Variants in B3GALT9 observed in about 807,000 individuals in gnomAD.
B3GALT9 encodes beta-1,3-galactosyltransferase 9.
At chr9:120,795,114 A>C (rs1296241368) in intron 1 of B3GALT9, among the ~76,000 whole-genome samples, 1 of 152,236 alleles carries the variant, frequency 6.6e-6, no homozygotes, top group Non-Finnish European at 1.5e-5. Flanking sequence ...CAAGAGAGCA[A>C]ATTTGATTTG....
chr9:120,798,176 G>T (rs1053247235), intron 2 of B3GALT9, among the ~76,000 whole-genome samples: 1 of 152,230 alleles, frequency 6.6e-6, no homozygotes, highest in Admixed American at 6.5e-5. Context: ...AGAACATCAT[G>T]TATTTTCCTA....
In B3GALT9 at chr9:120,801,723, G is replaced by C. The variant is rs1466810947; in HGVS notation, c.*2045G>C. ...CCACTGCACTCCAGCCTGGGCAACA[G>C]TCTGAGACTCTATCTCAAAAAACAA... On this transcript the variant is annotated 3_prime_UTR_variant, in exon 3 of 3. Coordinates refer to ENST00000689072, the MANE Select transcript of B3GALT9 (RefSeq NM_001386823.1). 6.6e-6 allele frequency among the ~76,000 whole-genome samples: 1 copy of C among 152,204 alleles called. No individual in the cohort carries two copies. The highest frequency in any genetic ancestry group is 1.5e-5 in the Non-Finnish European group (1 of 68,042).
intron 1 of B3GALT9, among the ~76,000 whole-genome samples, chr9:120,796,031 A>G (rs1166106880): frequency 2.6e-5 from 4 of 152,284 alleles, no homozygotes; most frequent in East Asian, 3.9e-4. Context: ...ATCCTTCCCA[A>G]TGAGCCATAC....
rs2044968932 is a variant in B3GALT9 at position 120,801,484 on chromosome 9, A to G, written c.*1806A>G. Among the ~76,000 whole-genome samples the G allele has an allele frequency of 6.6e-6, 1 of 152,202 alleles. No individual in the cohort carries two copies. The highest frequency in any genetic ancestry group is 1.5e-5 in the Non-Finnish European group (1 of 68,036). On this transcript the variant is annotated 3_prime_UTR_variant, in exon 3 of 3. Coordinates refer to ENST00000689072, the MANE Select transcript of B3GALT9 (RefSeq NM_001386823.1). ...GCAGGGCACAGTGGCTCATGGCTGT[A>G]ATCCCAGCACTTTGGGAGGCCAAGG...
intron 1 of B3GALT9, 100 bp from the exon 2 acceptor site, chr9:120,796,323 G>A (rs914247665): frequency 2.0e-5 from 3 of 152,278 alleles, no homozygotes; most frequent in Non-Finnish European, 4.4e-5. Flanking sequence ...GTTTCATGAA[G>A]TACACAGGGT....
In B3GALT9 at chr9:120,799,425, T is replaced by G; in HGVS notation, c.857T>G (p.Ile286Ser). The change falls in exon 3 of 3, where the codon ATC becomes AGC. Residue 286 changes from isoleucine to serine, a missense_variant. Coordinates refer to ENST00000689072, the MANE Select transcript of B3GALT9 (RefSeq NM_001386823.1). ...ICAKFIGLIP[I>S]HSSRFSGKRH... ...GCTAAGTTCATTGGCCTTATACCCATCCACAGCTCAAGGTTTTCTGGGAAA... is the reference window on the plus strand; with the variant it reads ...GCTAAGTTCATTGGCCTTATACCCAGCCACAGCTCAAGGTTTTCTGGGAAA... The G allele has an allele frequency of 2.5e-6, 1 of 399,246 alleles. No homozygotes were observed. 24.7% of individuals were successfully genotyped at this position (399,246 alleles called of 1,614,324 possible).
At chr9:120,794,848 A>G (rs1321347599) in intron 1 of B3GALT9, among the ~76,000 whole-genome samples, 3 of 152,184 alleles carry the variant, frequency 2.0e-5, no homozygotes, top group Admixed American at 2.0e-4. Flanking sequence ...TGAACATTTG[A>G]AAAGTACCTG....
rs892268749 is a variant in B3GALT9, at chr9:120,799,736, T to G, written c.*58T>G. 1 of 397,960 alleles carries G rather than the reference T, an allele frequency of 2.5e-6. No homozygotes were observed. The highest frequency in any genetic ancestry group is 2.1e-5 in the African/African-American group (1 of 48,630). 24.7% of individuals were successfully genotyped at this position (397,960 alleles called of 1,614,324 possible). ...TTTAAAGTTACCTTCTACCCTGTTATGGAAAGCATCCCTTCTTTCCCATGT... is the reference window on the plus strand; with the variant it reads ...TTTAAAGTTACCTTCTACCCTGTTAGGGAAAGCATCCCTTCTTTCCCATGT... On this transcript the variant is annotated 3_prime_UTR_variant, in exon 3 of 3. Transcript: ENST00000689072.
Position 120,800,648 on chromosome 9 carries a change from TTGATA to T in B3GALT9, c.*972_*976del, listed in dbSNP as rs1041068875. Among the ~76,000 whole-genome samples, 4 of 152,224 alleles carry T rather than the reference TTGATA, an allele frequency of 2.6e-5. No individual in the cohort carries two copies. Among genetic ancestry groups the T allele is most frequent in the African/African-American group, 9.6e-5 (4 of 41,458 alleles). ...GTATATTTATGTTGTACAACATGTT[TTGATA>T]TATGTATATGTTATAGAATGGCTAA... On this transcript the variant is annotated 3_prime_UTR_variant, in exon 3 of 3. Coordinates refer to ENST00000689072, the MANE Select transcript of B3GALT9 (RefSeq NM_001386823.1).
At chr9:120,794,190 CACA>C (rs1480778216) in intron 1 of B3GALT9, among the ~76,000 whole-genome samples, 7 of 152,166 alleles carry the variant, frequency 4.6e-5, no homozygotes, top group Non-Finnish European at 7.3e-5. Context: ...ACTCAGTTCC[CACA>C]ACAACCCCAC....
chr9:120,796,989 G>A lies in B3GALT9; in HGVS notation c.6+380G>A, dbSNP rs535215186. 1.1e-4 allele frequency among the ~76,000 whole-genome samples: 16 copies of A among 150,860 alleles called. No homozygotes were observed. The South Asian group carries it at 2.3e-3, about 22-fold the overall frequency. On this transcript the variant is annotated intron_variant, in intron 2 of 2. Transcript: ENST00000689072. ...GGAAAATCACTTGAACCTGGGAGGCGGAGGTTGCAGTGAGCCAAGATCATG... is the reference window on the plus strand; with the variant it reads ...GGAAAATCACTTGAACCTGGGAGGCAGAGGTTGCAGTGAGCCAAGATCATG...
At chr9:120,796,209 T>C (rs1411575218) in intron 1 of B3GALT9, among the ~76,000 whole-genome samples, 1 of 152,212 alleles carries the variant, frequency 6.6e-6, no homozygotes. Flanking sequence ...AAGTATAGGA[T>C]ATATCTACTT....
Position 120,799,748 on chromosome 9 carries a change from C to G in B3GALT9, c.*70C>G. On this transcript the variant is annotated 3_prime_UTR_variant, in exon 3 of 3. Transcript: ENST00000689072. ...TTCTACCCTGTTATGGAAAGCATCC[C>G]TTCTTTCCCATGTTTTATGTAGGTT... The G allele has an allele frequency of 2.5e-6, 1 of 397,702 alleles. No individual in the cohort carries two copies. The highest frequency in any genetic ancestry group is 4.4e-6 in the Non-Finnish European group (1 of 225,978). 24.6% of individuals were successfully genotyped at this position (397,702 alleles called of 1,614,324 possible).
Position 120,800,589 on chromosome 9 carries a change from T to G in B3GALT9, c.*911T>G, listed in dbSNP as rs970914007. 6.8e-6 allele frequency among the ~76,000 whole-genome samples: 1 copy of G among 146,604 alleles called. No individual in the cohort carries two copies. The highest frequency in any genetic ancestry group is 1.5e-5 in the Non-Finnish European group (1 of 66,066). ...CAGTACACAATTCATTATAACTAAG[T>G]TTTTTTTTTTATAAACTGACTAGTA... On this transcript the variant is annotated 3_prime_UTR_variant, in exon 3 of 3. Transcript: ENST00000689072.
Position 120,799,544 on chromosome 9 carries a change from A to G in B3GALT9, c.976A>G (p.Asn326Asp). The change falls in exon 3 of 3, where the codon AAT becomes GAT. Residue 326 changes from asparagine to aspartate, a missense_variant. Transcript: ENST00000689072. ...PEMPLAWKEI[N>D]DGKECTLFET... ...AATGCCCCTAGCATGGAAGGAAATT[A>G]ATGATGGAAAAGAATGTACACTGTT... The G allele has an allele frequency of 2.5e-6, 1 of 399,716 alleles. No homozygotes were observed. Among genetic ancestry groups the G allele is most frequent in the Non-Finnish European group, 4.4e-6 (1 of 226,218 alleles). 24.8% of individuals were successfully genotyped at this position (399,716 alleles called of 1,614,324 possible). A position where few individuals can be genotyped will look rare whatever the true frequency, so the allele number is the denominator to read the frequency against.
Position 120,793,865 on chromosome 9 carries a change from A to G in B3GALT9, c.-239A>G, listed in dbSNP as rs1034238909. ...CCCTGACCGCCTGGGCCTTACATCT[A>G]TTAGGAGGAGGAAGACAGATAAACT... On this transcript the variant is annotated 5_prime_UTR_variant, in exon 1 of 3. Coordinates refer to ENST00000689072, the MANE Select transcript of B3GALT9 (RefSeq NM_001386823.1). The G allele has an allele frequency of 1.0e-4, 40 of 385,298 alleles. No homozygotes were observed. The highest frequency in any genetic ancestry group is 7.2e-4 in the African/African-American group (35 of 48,292). 23.9% of individuals were successfully genotyped at this position (385,298 alleles called of 1,614,324 possible). A position where few individuals can be genotyped will look rare whatever the true frequency, so the allele number is the denominator to read the frequency against.
Position 120,800,503 on chromosome 9 carries a change from C to T in B3GALT9, c.*825C>T, listed in dbSNP as rs2044964211. Among the ~76,000 whole-genome samples, 1 of 151,914 alleles carries T rather than the reference C, an allele frequency of 6.6e-6. No homozygotes were observed. Among genetic ancestry groups the T allele is most frequent in the South Asian group, 2.1e-4 (1 of 4,820 alleles). ...AACTCCTGGGCTCAAGTGATCCTCC[C>T]ACCTCAGCCTCCCAAAGTCCCAAAG... is the stretch of plus-strand genomic sequence containing the variant. On this transcript the variant is annotated 3_prime_UTR_variant, in exon 3 of 3. Coordinates refer to ENST00000689072, the MANE Select transcript of B3GALT9 (RefSeq NM_001386823.1).
At position 120,800,878 on chromosome 9, in the gene B3GALT9, A is replaced by G. The variant is rs1410353305; in HGVS notation, c.*1200A>G. ...TTGGCCATATCTGCCAAGTTTTCCC[A>G]ACCCCCAGTCTCTGGTAACCTCCAT... is the stretch of plus-strand genomic sequence containing the variant. On this transcript the variant is annotated 3_prime_UTR_variant, in exon 3 of 3. Coordinates refer to ENST00000689072, the MANE Select transcript of B3GALT9 (RefSeq NM_001386823.1). Among the ~76,000 whole-genome samples the G allele has an allele frequency of 1.3e-5, 2 of 152,178 alleles. No individual in the cohort carries two copies. Among genetic ancestry groups the G allele is most frequent in the African/African-American group, 4.8e-5 (2 of 41,444 alleles).
Position 120,799,419 on chromosome 9 carries a change from T to C in B3GALT9, c.851T>C (p.Ile284Thr), listed in dbSNP as rs2131406408. 1 of 399,286 alleles carries C rather than the reference T, an allele frequency of 2.5e-6. No homozygotes were observed. The allele number at this position is 399,286 out of a possible 1,614,324, so 24.7% of individuals were successfully genotyped here. A position where few individuals can be genotyped will look rare whatever the true frequency, so the allele number is the denominator to read the frequency against. ...ATTTGTGCTAAGTTCATTGGCCTTA[T>C]ACCCATCCACAGCTCAAGGTTTTCT... ...VGICAKFIGL[I>T]PIHSSRFSGK... Residue 284 changes from isoleucine (I) to threonine (T), a missense_variant, in exon 3 of 3, where the codon ATA becomes ACA. By Grantham distance (89) the Ile-to-Thr change is moderately conservative. Transcript: ENST00000689072.
Sources: allele counts gnomAD v4.1 joint callset (sites outside exome capture counted in the v4.1 genomes callset), GRCh38; gene constraint gnomAD v4.1.1; transcripts MANE v1.5; gene names NCBI Gene and HGNC (gene_info 2026-07-23, HGNC 2026-07-21).